GMEB1: variants seen among roughly 807,000 people sequenced by gnomAD.
GMEB1 encodes glucocorticoid modulatory element binding protein 1, also known as glucocorticoid modulatory element-binding protein 1.
GMEB1 carries 6 observed loss-of-function variants against 52.4 expected under a neutral mutation model. That is an observed-to-expected ratio of 0.11 (90% CI 0.06 to 0.23). The LOEUF is 0.23. GMEB1 is among the 10% of genes least tolerant of loss of function. GMEB1 has a pLI of 1.00. For missense variants in GMEB1, 486 were observed against 685.6 expected, an observed-to-expected ratio of 0.71 and a Z score of 3.25; for synonymous variants, 255 against 244.9, an observed-to-expected ratio of 1.04 and a Z score of -0.38.
intron 2 of GMEB1, among the ~76,000 whole-genome samples, chr1:28,687,168 T>C (rs1469012159): frequency 2.0e-5 from 3 of 151,460 alleles, no homozygotes; most frequent in Non-Finnish European, 4.4e-5. Context: ...AGACCCTGTC[T>C]CTATAAAAAA....
At chr1:28,669,047 G>A (rs1004980612) in intron 1 of GMEB1, among the ~76,000 whole-genome samples, 1 of 144,814 alleles carries the variant, frequency 6.9e-6, no homozygotes, top group Non-Finnish European at 1.5e-5. Flanking sequence ...GGGGGTGGGG[G>A]GACGCTGCCG....
rs1277491120 is a variant in GMEB1 at position 28,714,991 on chromosome 1, A to G, written c.*218A>G. On this transcript the variant is annotated 3_prime_UTR_variant, in exon 10 of 10. Transcript: ENST00000373816. ...CCAGAAGTTGAGAGTAGGTCATTCA[A>G]TGTCCTAATCATCTTACACCAAGAA... The G allele has an allele frequency of 3.7e-6, 2 of 539,846 alleles. No individual in the cohort carries two copies. The highest frequency in any genetic ancestry group is 3.2e-5 in the Admixed American group (1 of 31,358). 33.4% of individuals were successfully genotyped at this position (539,846 alleles called of 1,614,324 possible).
intron 8 of GMEB1, among the ~76,000 whole-genome samples, chr1:28,705,667 T>A (rs1670720615): frequency 6.7e-6 from 1 of 150,260 alleles, no homozygotes; most frequent in African/African-American, 2.4e-5. Flanking sequence ...GCCAGGCTGG[T>A]CTCAAACTCC....
Position 28,690,133 on chromosome 1 carries a change from C to T in GMEB1, c.158C>T (p.Thr53Met), listed in dbSNP as rs772925070. ...TATGAAGCTGGGTCGGAGAACAACA[C>T]GGCAGTTGTAGCAGTAGAAACTCAC... ...GIYEAGSENN[T>M]AVVAVETHTI... Residue 53 changes from threonine to methionine, a missense_variant, in exon 3 of 10, where the codon ACG becomes ATG. Transcript: ENST00000373816. The T allele has an allele frequency of 3.2e-5, 51 of 1,600,668 alleles. No homozygotes were observed. Among genetic ancestry groups the T allele is most frequent in the Non-Finnish European group, 3.2e-5 (38 of 1,172,866 alleles).
At chr1:28,682,039 T>C (rs1390199330) in intron 1 of GMEB1, among the ~76,000 whole-genome samples, 1 of 152,016 alleles carries the variant, frequency 6.6e-6, no homozygotes, top group African/African-American at 2.4e-5. Flanking sequence ...TTGCATCCAT[T>C]GTGTGCCTAC....
At position 28,696,850 on chromosome 1, in the gene GMEB1, C is replaced by G. The variant is rs749836292; in HGVS notation, c.441-77C>G. On this transcript the variant is annotated intron_variant, in intron 5 of 9. Coordinates refer to ENST00000373816, the MANE Select transcript of GMEB1 (RefSeq NM_001319674.2). ...ACACAGTAGGCTCAGCAGTGTTGTC[C>G]CTATTTTTCCCTGAGGCCTAGTTCC... 2.7e-6 allele frequency: 3 copies of G among 1,111,526 alleles called. No homozygotes were observed. In the South Asian group the frequency reaches 5.0e-5, roughly 19 times the overall value. 68.9% of individuals were successfully genotyped at this position (1,111,526 alleles called of 1,614,324 possible).
At chr1:28,680,087 C>G (rs1466685414) in intron 1 of GMEB1, among the ~76,000 whole-genome samples, 2 of 151,852 alleles carry the variant, frequency 1.3e-5, no homozygotes, top group African/African-American at 2.4e-5. Context: ...GGATTACTGG[C>G]GTGAGCCACC....
intron 7 of GMEB1, among the ~76,000 whole-genome samples, chr1:28,703,031 A>C (rs1415201606): frequency 6.6e-6 from 1 of 152,180 alleles, no homozygotes; most frequent in African/African-American, 2.4e-5. Context: ...AACAAAAAAC[A>C]AAAAACAAGA....
At position 28,690,203 on chromosome 1, in the gene GMEB1, G is replaced by GTTTTTTTTTTTTTTTTTTTTTTTTTTT. The variant is rs878890649; in HGVS notation, c.211+38_211+39insTTTTTTTTTTTTTTTTTTTTTTTTTTT. The stretch of plus-strand genomic sequence containing the variant: ...AAGGGATTGGTAAGGGTTTTTTTGT[G>GTTTTTTTTTTTTTTTTTTTTTTTTTTT]TTTTTTTTTTTTTTTTTTTTTGTCA... On this transcript the variant is annotated intron_variant, in intron 3 of 9. Coordinates refer to ENST00000373816, the MANE Select transcript of GMEB1 (RefSeq NM_001319674.2). 2.3e-6 allele frequency: 1 copy of GTTTTTTTTTTTTTTTTTTTTTTTTTTT among 440,238 alleles called. No homozygotes were observed. Among genetic ancestry groups the GTTTTTTTTTTTTTTTTTTTTTTTTTTT allele is most frequent in the Non-Finnish European group, 3.7e-6 (1 of 272,542 alleles). 27.3% of individuals were successfully genotyped at this position (440,238 alleles called of 1,614,324 possible).
intron 8 of GMEB1, among the ~76,000 whole-genome samples, chr1:28,708,963 C>A (rs984673686): frequency 1.3e-5 from 2 of 152,022 alleles, no homozygotes; most frequent in African/African-American, 4.8e-5. Flanking sequence ...AACCCCATCT[C>A]TTCTAAAAAA....
chr1:28,689,910 T>G, intron 2 of GMEB1, 194 bp from the exon 3 acceptor site: 1 of 473,128 alleles, frequency 2.1e-6, no homozygotes. Flanking sequence ...TGGATTCATT[T>G]TCATGGTAGA....
At chr1:28,704,369 AT>A in intron 8 of GMEB1, 40 bp downstream of exon 8, 2 of 1,570,508 alleles carry the variant, frequency 1.3e-6, no homozygotes, top group East Asian at 4.6e-5. Flanking sequence ...GATTTATTGA[AT>A]ACTCACCTCC....
At chr1:28,712,688 G>A (rs1282373609) in intron 9 of GMEB1, among the ~76,000 whole-genome samples, 1 of 151,988 alleles carries the variant, frequency 6.6e-6, no homozygotes, top group Non-Finnish European at 1.5e-5. Flanking sequence ...GTGTGGTGTT[G>A]CATGCCTGTA....
chr1:28,704,854 C>T (rs1001053860), intron 8 of GMEB1, among the ~76,000 whole-genome samples: 2 of 152,040 alleles, frequency 1.3e-5, no homozygotes, highest in East Asian at 1.9e-4. Context: ...GTGATCCCCC[C>T]GCCTCGGCCT....
chr1:28,706,977 GTTTTTT>G (rs1237383046), intron 8 of GMEB1, among the ~76,000 whole-genome samples: 3 of 82,748 alleles, frequency 3.6e-5, no homozygotes, highest in African/African-American at 1.7e-4. Context: ...TCCAGATTTG[GTTTTTT>G]TTTTTTTTTT....
At chr1:28,691,146 C>T (rs1238974431) in intron 3 of GMEB1, among the ~76,000 whole-genome samples, 1 of 151,644 alleles carries the variant, frequency 6.6e-6, no homozygotes, top group African/African-American at 2.4e-5. Context: ...CAAAAATTAG[C>T]CGGGCGTGGT....
intron 1 of GMEB1, among the ~76,000 whole-genome samples, chr1:28,680,000 G>T (rs367943752): frequency 6.6e-6 from 1 of 152,020 alleles, no homozygotes; most frequent in Admixed American, 6.6e-5. Context: ...TAGAGATGGG[G>T]TTTCTCCATG....
At chr1:28,713,689 T>TTG (rs1671163389) in intron 9 of GMEB1, among the ~76,000 whole-genome samples, 1 of 152,228 alleles carries the variant, frequency 6.6e-6, no homozygotes, top group Admixed American at 6.5e-5. Flanking sequence ...GAAGGATAGT[T>TTG]TGAAAATCAC....
chr1:28,678,307 G>GTT (rs146439636), intron 1 of GMEB1, among the ~76,000 whole-genome samples: 3,893 of 150,740 alleles, frequency 0.026, 171 homozygotes, highest in African/African-American at 0.092. Context: ...GTTTTTGTTT[G>GTT]TTTGTTTGTT....
Sources: gnomAD v4.1 joint callset for allele counts (sites outside exome capture counted in the v4.1 genomes callset) on GRCh38, gnomAD v4.1.1 for gene constraint, MANE v1.5 for transcripts, NCBI Gene and HGNC (gene_info 2026-07-23, HGNC 2026-07-21) for gene names.